Variants in ITGAV observed in about 807,000 individuals in gnomAD.
ITGAV encodes integrin alpha-V.
In ITGAV, 76 loss-of-function variants were observed where a neutral mutation model predicts 143.8. That is an observed-to-expected ratio of 0.53 (90% confidence interval 0.44 to 0.64). ITGAV has a LOEUF of 0.64. ITGAV is among the 30% of genes least tolerant of loss of function. The probability of loss-of-function intolerance (pLI) is 0.00; values close to 1 mark genes in which losing one functional copy is unlikely to be tolerated. For missense variants in ITGAV, 1,193 were observed against 1,274.7 expected, an observed-to-expected ratio of 0.94 and a Z score of 0.98; for synonymous variants, 453 against 446.7, an observed-to-expected ratio of 1.01 and a Z score of -0.18.
intron 13 of ITGAV, among the ~76,000 whole-genome samples, chr2:186,647,545 A>AT (rs897345519): frequency 7.9e-5 from 12 of 151,132 alleles, no homozygotes; most frequent in East Asian, 1.9e-4. Flanking sequence ...CTTCATTGTG[A>AT]TTTTTTTTTC....
chr2:186,590,653 A>C, intron 1 of ITGAV, 130 bp downstream of exon 1: 2 of 810,026 alleles, frequency 2.5e-6, no homozygotes, highest in Non-Finnish European at 3.8e-6. Flanking sequence ...TACCTCTCAG[A>C]GTGGTTTATA....
chr2:186,626,297 T>C (rs1687674116), intron 4 of ITGAV, among the ~76,000 whole-genome samples: 1 of 152,190 alleles, frequency 6.6e-6, no homozygotes, highest in Non-Finnish European at 1.5e-5. Context: ...GATTATGCTT[T>C]TCCAAAATCT....
intron 14 of ITGAV, among the ~76,000 whole-genome samples, chr2:186,651,220 C>T (rs867028330): frequency 2.0e-5 from 3 of 152,096 alleles, no homozygotes; most frequent in South Asian, 4.2e-4. Context: ...GCGGAGTTTG[C>T]GATGGGTCAA....
At chr2:186,648,258 C>T (rs1688316819) in intron 13 of ITGAV, among the ~76,000 whole-genome samples, 1 of 152,072 alleles carries the variant, frequency 6.6e-6, no homozygotes, top group African/African-American at 2.4e-5. Flanking sequence ...GTGTGCACTT[C>T]TTTTTTTAAG....
In ITGAV at chr2:186,665,218, A is replaced by G. The variant is rs1342776662; in HGVS notation, c.2166A>G (p.Gln722=). ...DLGNPMKAGT[Q]LLAGLRFSVH... ...GAAACCCAATGAAGGCTGGAACTCA[A>G]GTAAGACAATTTAATTAAACGGATT... The change falls in exon 21 of 30, where the codon CAA becomes CAG. Residue 722 remains glutamine, a splice_region_variant and synonymous_variant. Transcript: ENST00000261023. 5.0e-6 allele frequency: 8 copies of G among 1,594,116 alleles called. No individual in the cohort carries two copies. The highest frequency in any genetic ancestry group is 6.9e-6 in the Non-Finnish European group (8 of 1,162,724).
rs915551516 is a variant in ITGAV at position 186,590,068 on chromosome 2, C to G, written c.-271C>G. On this transcript the variant is annotated 5_prime_UTR_variant, in exon 1 of 30. Coordinates refer to ENST00000261023, the MANE Select transcript of ITGAV (RefSeq NM_002210.5). ...CGCTCACCCCGGCAGTCCCCAGCCT[C>G]AGACGCTGCGTGGAGCGGCGGAGCC... 5.3e-6 allele frequency: 2 copies of G among 375,978 alleles called. No individual in the cohort carries two copies. Among genetic ancestry groups the G allele is most frequent in the Non-Finnish European group, 9.4e-6 (2 of 213,824 alleles). 23.3% of individuals were successfully genotyped at this position (375,978 alleles called of 1,614,324 possible).
chr2:186,667,347 G>A, intron 23 of ITGAV, 117 bp downstream of exon 23: 1 of 706,356 alleles, frequency 1.4e-6, no homozygotes, highest in Non-Finnish European at 2.4e-6. Context: ...GGTTTTACTA[G>A]GGCATTAGCT....
chr2:186,590,287 CGGGG>C lies in ITGAV; in HGVS notation c.-49_-46del, dbSNP rs1686573897. ...GCGGGCACTGGGCGCCTCGCTGGGG[CGGGG>C]GGAGGTGGCTACCGCTCCCGGCTTG... On this transcript the variant is annotated 5_prime_UTR_variant, in exon 1 of 30. Coordinates refer to ENST00000261023, the MANE Select transcript of ITGAV (RefSeq NM_002210.5). 5 of 1,410,014 alleles carry C rather than the reference CGGGG, an allele frequency of 3.5e-6. No individual in the cohort carries two copies. Among genetic ancestry groups the C allele is most frequent in the Non-Finnish European group, 4.6e-6 (5 of 1,079,176 alleles). The allele number at this position is 1,410,014 out of a possible 1,614,324, so 87.3% of individuals were successfully genotyped here.
chr2:186,669,799 A>C lies in ITGAV; in HGVS notation c.2691A>C (p.Gly897=), dbSNP rs1382070619. The change falls in exon 26 of 30, where the codon GGA becomes GGC. Residue 897 remains glycine (G), a synonymous_variant. Transcript: ENST00000261023. ...AGCGGGATCTTGCCCTCAGTGAAGG[A>C]GATATTCACACTTTGGTAAGTGCCA... is the stretch of plus-strand genomic sequence containing the variant. ...ITKRDLALSE[G]DIHTLGCGVA... The C allele has an allele frequency of 6.2e-7, 1 of 1,611,382 alleles. No individual in the cohort carries two copies. The highest frequency in any genetic ancestry group is 1.3e-5 in the African/African-American group (1 of 74,858).
chr2:186,661,687 C>T (rs1688750410), intron 18 of ITGAV, among the ~76,000 whole-genome samples: 2 of 151,636 alleles, frequency 1.3e-5, no homozygotes, highest in African/African-American at 4.9e-5. Context: ...ACCTCCGCCT[C>T]CTGTGTTCAA....
At chr2:186,659,589 A>G (rs1688685283) in intron 18 of ITGAV, among the ~76,000 whole-genome samples, 1 of 151,972 alleles carries the variant, frequency 6.6e-6, no homozygotes, top group South Asian at 2.1e-4. Flanking sequence ...AGAAAGCAAC[A>G]AAATTTGATA....
chr2:186,603,444 A>G (rs1028979578), intron 2 of ITGAV, among the ~76,000 whole-genome samples: 10 of 152,168 alleles, frequency 6.6e-5, no homozygotes, highest in South Asian at 2.1e-4. Context: ...GATCACATGC[A>G]CATGTTTTCA....
chr2:186,661,041 A>G (rs1230229761), intron 18 of ITGAV, among the ~76,000 whole-genome samples: 1 of 152,218 alleles, frequency 6.6e-6, no homozygotes, highest in Non-Finnish European at 1.5e-5. Context: ...CTGGGGATTA[A>G]GGCTTCAACT....
At chr2:186,605,411 ATAT>A in intron 2 of ITGAV, among the ~76,000 whole-genome samples, 1 of 152,292 alleles carries the variant, frequency 6.6e-6, no homozygotes, top group African/African-American at 2.4e-5. Flanking sequence ...AATTGCTCAG[ATAT>A]TATCTTCTCA....
chr2:186,675,469 T>C, intron 26 of ITGAV, 135 bp from the exon 27 acceptor site: 1 of 643,722 alleles, frequency 1.6e-6, no homozygotes, highest in Non-Finnish European at 2.8e-6. Context: ...ACTATTAGCC[T>C]GTTTATTTTC....
chr2:186,668,190 A>ATG (rs34521209), intron 24 of ITGAV, among the ~76,000 whole-genome samples: 4,058 of 17,140 alleles, frequency 0.24, 280 homozygotes, highest in South Asian at 0.28. Context: ...ACATACATAT[A>ATG]TATATATATA....
At chr2:186,624,572 TTGA>T (rs1687621122) in intron 3 of ITGAV, among the ~76,000 whole-genome samples, 1 of 152,222 alleles carries the variant, frequency 6.6e-6, no homozygotes, top group Non-Finnish European at 1.5e-5. Context: ...TAAGTCAGTA[TTGA>T]TGTTCTGCAG....
intron 17 of ITGAV, 31 bp from the exon 18 acceptor site, chr2:186,659,007 T>G: frequency 6.3e-7 from 1 of 1,579,054 alleles, no homozygotes; most frequent in Non-Finnish European, 8.7e-7. Context: ...AGGTTGACGT[T>G]ATCATTAATT....
At chr2:186,609,609 A>G (rs1687158790) in intron 2 of ITGAV, among the ~76,000 whole-genome samples, 1 of 152,188 alleles carries the variant, frequency 6.6e-6, no homozygotes, top group Non-Finnish European at 1.5e-5. Flanking sequence ...ACTGGAAAGT[A>G]TCTAACTTTG....
Sources: allele counts gnomAD v4.1 joint callset (sites outside exome capture counted in the v4.1 genomes callset), GRCh38; gene constraint gnomAD v4.1.1; transcripts MANE v1.5; gene names NCBI Gene and HGNC (gene_info 2026-07-23, HGNC 2026-07-21).